SENP5: variants seen among roughly 807,000 people sequenced by gnomAD.
SENP5 encodes SUMO specific peptidase 5, also known as sentrin-specific protease 5.
A neutral mutation model predicts 74.2 loss-of-function variants in SENP5; 21 were observed. That is an observed-to-expected ratio of 0.28 (90% CI 0.20 to 0.41). The LOEUF (loss-of-function observed/expected upper bound fraction) is 0.41, where lower values mean the gene tolerates loss of function less well. SENP5 is among the 10% of genes least tolerant of loss of function. The pLI is 1.00. For synonymous variants in SENP5, 311 were observed against 312.7 expected, an observed-to-expected ratio of 0.99 and a Z score of 0.06; for missense variants, 717 against 889.1, an observed-to-expected ratio of 0.81 and a Z score of 2.46.
intron 2 of SENP5, among the ~76,000 whole-genome samples, chr3:196,892,344 A>G (rs1186820550): frequency 1.4e-4 from 21 of 150,970 alleles, no homozygotes; most frequent in Admixed American, 1.4e-3. Flanking sequence ...ATGGGGTTTC[A>G]CCATGTTGGC....
At chr3:196,869,759 CAAA>C (rs58745670) in intron 1 of SENP5, among the ~76,000 whole-genome samples, 45 of 37,982 alleles carry the variant, frequency 1.2e-3, no homozygotes, top group African/African-American at 5.0e-3. Context: ...AACTCCGTCT[CAAA>C]AAAAAAAAAA....
At chr3:196,873,388 C>T (rs1033163965) in intron 1 of SENP5, among the ~76,000 whole-genome samples, 1 of 151,678 alleles carries the variant, frequency 6.6e-6, no homozygotes, top group Non-Finnish European at 1.5e-5. Context: ...CGAGACTTAA[C>T]GTCTTTAGAT....
intron 1 of SENP5, among the ~76,000 whole-genome samples, chr3:196,884,899 G>T (rs1319672127): frequency 1.3e-5 from 2 of 152,058 alleles, no homozygotes; most frequent in Admixed American, 1.3e-4. Context: ...GGTCGAAAAT[G>T]ATTCTTAAGT....
At chr3:196,907,786 G>T (rs1484052291) in intron 6 of SENP5, among the ~76,000 whole-genome samples, 2 of 151,992 alleles carry the variant, frequency 1.3e-5, no homozygotes, top group Non-Finnish European at 2.9e-5. Flanking sequence ...ATAAAAGAAA[G>T]TCTACAAATT....
chr3:196,883,634 A>G (rs1404411598), intron 1 of SENP5, among the ~76,000 whole-genome samples: 1 of 151,512 alleles, frequency 6.6e-6, no homozygotes, highest in African/African-American at 2.4e-5. Flanking sequence ...CCTGACTTTC[A>G]TAGGTATATG....
In SENP5 at chr3:196,886,455, T is replaced by C; in HGVS notation, c.1274T>C (p.Val425Ala). 1 of 1,610,252 alleles carries C rather than the reference T, an allele frequency of 6.2e-7. No homozygotes were observed. Among genetic ancestry groups the C allele is most frequent in the Middle Eastern group, 1.7e-4 (1 of 6,032 alleles). Reference sequence around the variant, plus strand: ...GGAGCAGATACATCTGTGAGTAGCGTAGATGGGCCTGTGTCCCAAAAGGCT... The same window carrying C: ...GGAGCAGATACATCTGTGAGTAGCGCAGATGGGCCTGTGTCCCAAAAGGCT... ...VSGADTSVSS[V>A]DGPVSQKAVQ... The change falls in exon 2 of 10, where the codon GTA becomes GCA. Residue 425 changes from valine (V) to alanine (A), a missense_variant. Coordinates refer to ENST00000323460, the MANE Select transcript of SENP5 (RefSeq NM_152699.5).
intron 6 of SENP5, 49 bp from the exon 7 acceptor site, chr3:196,923,365 T>C (rs1264849359): frequency 6.4e-7 from 1 of 1,552,730 alleles, no homozygotes; most frequent in Non-Finnish European, 8.6e-7. Flanking sequence ...TTTTGGTGGT[T>C]TGGATAGCCT....
intron 2 of SENP5, among the ~76,000 whole-genome samples, chr3:196,893,437 A>G (rs150698747): frequency 3.4e-3 from 517 of 152,326 alleles, no homozygotes; most frequent in African/African-American, 0.012. Flanking sequence ...TTTAACTTGT[A>G]GTAGGTGTGT....
intron 7 of SENP5, among the ~76,000 whole-genome samples, chr3:196,924,002 AG>A (rs1715721451): frequency 6.6e-6 from 1 of 152,228 alleles, no homozygotes; most frequent in Non-Finnish European, 1.5e-5. Context: ...ACCAAGAACC[AG>A]TAAGAAAATG....
rs759181951 is a variant in SENP5 at position 196,885,314 on chromosome 3, G to C, written c.133G>C (p.Gly45Arg). The change falls in exon 2 of 10, where the codon GGA (glycine) becomes CGA (arginine). Residue 45 changes from glycine to arginine, a missense_variant. Physicochemically the swap from Gly to Arg is moderately radical, Grantham distance 125 (BLOSUM62 -2). Transcript: ENST00000323460. ...CTTGTGCATTCTGAAAGCTAAGCTG[G>C]GAAGGCCAGTTACTTGGAATAGACA... ...QHLCILKAKLGRPVTWNRQLR... is the reference protein window; with the variant it reads ...QHLCILKAKLRRPVTWNRQLR... 1 of 1,614,122 alleles carries C rather than the reference G, an allele frequency of 6.2e-7. No individual in the cohort carries two copies. Among genetic ancestry groups the C allele is most frequent in the Non-Finnish European group, 8.5e-7 (1 of 1,180,022 alleles).
At chr3:196,872,413 A>G (rs1249840670) in intron 1 of SENP5, among the ~76,000 whole-genome samples, 4 of 152,188 alleles carry the variant, frequency 2.6e-5, no homozygotes, top group Non-Finnish European at 5.9e-5. Flanking sequence ...GGGATCTCCT[A>G]CTTGGAGAGT....
At chr3:196,911,316 A>G (rs1321990590) in intron 6 of SENP5, among the ~76,000 whole-genome samples, 2 of 152,230 alleles carry the variant, frequency 1.3e-5, no homozygotes, top group South Asian at 2.1e-4. Flanking sequence ...TACCCACCTG[A>G]CAAAGATCTA....
rs1474944732 is a variant in SENP5 at position 196,886,365 on chromosome 3, T to C, written c.1184T>C (p.Met395Thr). 2 of 1,613,144 alleles carry C rather than the reference T, an allele frequency of 1.2e-6. No homozygotes were observed. Among genetic ancestry groups the C allele is most frequent in the African/African-American group, 1.3e-5 (1 of 74,900 alleles). ...ATTTCAGAAACTGAAAGAGAAATTA[T>C]GACTCTGGGTCAGGAAAATCAGACA... ...MFISETEREI[M>T]TLGQENQTSS... The change falls in exon 2 of 10, where the codon ATG becomes ACG. Residue 395 changes from methionine (M) to threonine (T), a missense_variant. Physicochemically the swap from Met to Thr is moderately conservative, Grantham distance 81. This residue lies in a region of SENP5 where 567 missense variants were observed against 577.4 expected (regional missense o/e 0.98). Coordinates refer to ENST00000323460, the MANE Select transcript of SENP5 (RefSeq NM_152699.5).
chr3:196,872,957 C>CT, intron 1 of SENP5, among the ~76,000 whole-genome samples: 1 of 152,000 alleles, frequency 6.6e-6, no homozygotes, highest in East Asian at 1.9e-4. Context: ...TTGACCAATC[C>CT]TTTTATTTTT....
chr3:196,885,735 T>G lies in SENP5; in HGVS notation c.554T>G (p.Val185Gly). The G allele has an allele frequency of 6.2e-7, 1 of 1,614,182 alleles. No individual in the cohort carries two copies. The highest frequency in any genetic ancestry group is 8.5e-7 in the Non-Finnish European group (1 of 1,180,012). ...QSPGESGTIVVTLNNHKRKGF... is the reference protein window; with the variant it reads ...QSPGESGTIVGTLNNHKRKGF... The stretch of plus-strand genomic sequence containing the variant: ...CCAGGTGAGAGTGGCACGATTGTGG[T>G]CACCTTGAACAACCATAAGAGAAAG... Residue 185 changes from valine to glycine, a missense_variant, in exon 2 of 10, where the codon GTC becomes GGC. Val to Gly is a moderately radical substitution (Grantham distance 109). This residue lies in a region of SENP5 where 567 missense variants were observed against 577.4 expected (regional missense o/e 0.98). Transcript: ENST00000323460.
intron 5 of SENP5, among the ~76,000 whole-genome samples, chr3:196,901,049 CT>C (rs202049526): frequency 7.8e-4 from 84 of 107,482 alleles, no homozygotes; most frequent in Admixed American, 1.4e-3. Flanking sequence ...ATTTATTTTA[CT>C]TTTTTTTTTT....
rs1386985199 is a variant in SENP5, at chr3:196,931,255, A to G, written c.*332A>G. 4.9e-6 allele frequency: 1 copy of G among 202,980 alleles called. No homozygotes were observed. Among genetic ancestry groups the G allele is most frequent in the East Asian group, 1.2e-4 (1 of 8,118 alleles). 12.6% of individuals were successfully genotyped at this position (202,980 alleles called of 1,614,324 possible). A position where few individuals can be genotyped will look rare whatever the true frequency, so the allele number is the denominator to read the frequency against. ...AGATTTGGTGCAGCTTTTGAAACTT[A>G]GTTAGACGTGAACTGAATACAGGTT... On this transcript the variant is annotated 3_prime_UTR_variant, in exon 10 of 10. Coordinates refer to ENST00000323460, the MANE Select transcript of SENP5 (RefSeq NM_152699.5).
chr3:196,890,885 A>T (rs1714173074), intron 2 of SENP5, among the ~76,000 whole-genome samples: 1 of 152,038 alleles, frequency 6.6e-6, no homozygotes, highest in African/African-American at 2.4e-5. Context: ...AAGAGAAATA[A>T]CTTGGATGGT....
intron 7 of SENP5, among the ~76,000 whole-genome samples, chr3:196,925,237 T>C (rs1577848180): frequency 6.6e-6 from 1 of 152,096 alleles, no homozygotes; most frequent in Non-Finnish European, 1.5e-5. Flanking sequence ...AAAAATTAAG[T>C]ATAATGCAAA....
Sources: gnomAD v4.1 joint callset for allele counts (sites outside exome capture counted in the v4.1 genomes callset) on GRCh38, gnomAD v4.1.1 for gene constraint, gnomAD v4.1.1 regional missense constraint, MANE v1.5 for transcripts, NCBI Gene and HGNC (gene_info 2026-07-23, HGNC 2026-07-21) for gene names.